The following CAST variants were observed in gnomAD, a reference collection of about 807,000 sequenced individuals.
CAST encodes MIR583 host.
In CAST, 76 loss-of-function variants were observed where a neutral mutation model predicts 119.6. The observed-to-expected ratio is 0.64, with a 90% CI of 0.53 to 0.77. The LOEUF is 0.77. Among genes scored for constraint, CAST ranks in the 30% least tolerant of loss-of-function variants. The pLI, the probability that CAST is intolerant of heterozygous loss-of-function variation, is 0.00. For missense variants in CAST, 953 were observed against 946.5 expected (o/e 1.01, Z -0.09); for synonymous variants, 319 against 331.6 (o/e 0.96, Z 0.41).
At chr5:96,769,170 G>A (rs1204528003) in intron 29 of CAST, 1 of 152,104 alleles carries the variant, frequency 6.6e-6, no homozygotes, top group Non-Finnish European at 1.5e-5. Context: ...TATTGTTTTG[G>A]CTGTTCTAAG....
At chr5:96,660,045 C>T (rs1357410774), upstream of CAST, among the ~76,000 whole-genome samples, 1 of 152,200 alleles carries the variant, frequency 6.6e-6, no homozygotes, top group Non-Finnish European at 1.5e-5. Context: ...GTTATTACCT[C>T]TTATAGATTT....
chr5:96,559,891 T>C (rs538310528), intron 1 of CAST, among the ~76,000 whole-genome samples: 1 of 152,190 alleles, frequency 6.6e-6, no homozygotes, highest in South Asian at 2.1e-4. Flanking sequence ...GAGCCCACAT[T>C]GCCAAGTCAA....
the CAST span, among the ~76,000 whole-genome samples, chr5:96,373,566 A>C: frequency 6.6e-6 from 1 of 152,188 alleles, no homozygotes; most frequent in African/African-American, 2.4e-5. Flanking sequence ...TCCTGGATGC[A>C]TTGCAGCCCT....
At chr5:96,163,531 G>A in the CAST span, among the ~76,000 whole-genome samples, 13 of 152,028 alleles carry the variant, frequency 8.6e-5, no homozygotes, top group Admixed American at 7.9e-4. Flanking sequence ...TTATGAAGTG[G>A]GATTTTTCTA....
At chr5:96,446,392 T>C in the CAST span, among the ~76,000 whole-genome samples, 1 of 152,136 alleles carries the variant, frequency 6.6e-6, no homozygotes, top group African/African-American at 2.4e-5. Context: ...GTCTCTGTAA[T>C]TTTGGGGCTT....
chr5:96,412,573 A>G, the CAST span: 1 of 1,293,348 alleles, frequency 7.7e-7, no homozygotes, highest in Non-Finnish European at 1.1e-6. Flanking sequence ...TACTATTTGT[A>G]TTTTTAAAGG....
chr5:96,003,801 G>T, the CAST span, among the ~76,000 whole-genome samples: 1 of 152,024 alleles, frequency 6.6e-6, no homozygotes. Flanking sequence ...TAAGCTTTAG[G>T]TAAACCACAT....
At chr5:96,088,537 T>A in the CAST span, among the ~76,000 whole-genome samples, 1 of 152,260 alleles carries the variant, frequency 6.6e-6, no homozygotes, top group Admixed American at 6.5e-5. Context: ...CCAGGATTCC[T>A]GCCTGGATCC....
intron 6 of CAST, chr5:96,728,519 C>T (rs181338341): frequency 6.6e-6 from 1 of 151,714 alleles, no homozygotes; most frequent in Non-Finnish European, 1.5e-5. Context: ...CTCTGTCGCC[C>T]AGGCTGGAGT....
At chr5:96,442,727 T>C in the CAST span, among the ~76,000 whole-genome samples, 19 of 152,318 alleles carry the variant, frequency 1.2e-4, 1 homozygote, top group African/African-American at 4.3e-4. Context: ...CTTCTACAGG[T>C]ACCCTTGGAG....
the CAST span, among the ~76,000 whole-genome samples, chr5:96,401,325 G>T: frequency 6.6e-6 from 1 of 152,124 alleles, no homozygotes; most frequent in African/African-American, 2.4e-5. Context: ...AAGGCCACTG[G>T]AGCAAAAGCA....
At chr5:96,434,625 G>GT in the CAST span, among the ~76,000 whole-genome samples, 28,295 of 149,160 alleles carry the variant, frequency 0.19, 3,026 homozygotes, top group East Asian at 0.28. Context: ...TTTTGTTGTT[G>GT]TTGTTGTTGT....
the CAST span, among the ~76,000 whole-genome samples, chr5:96,459,174 G>C: frequency 6.6e-6 from 1 of 152,094 alleles, no homozygotes; most frequent in South Asian, 2.1e-4. Flanking sequence ...AGTGAGAAGT[G>C]AATAAAATCA....
the CAST span, among the ~76,000 whole-genome samples, chr5:96,442,655 T>C: frequency 1.3e-5 from 2 of 152,210 alleles, no homozygotes; most frequent in African/African-American, 4.8e-5. Context: ...AAAGTGCAGC[T>C]TCCTAAGCAT....
chr5:96,338,894 T>C, the CAST span, among the ~76,000 whole-genome samples: 2 of 152,182 alleles, frequency 1.3e-5, no homozygotes, highest in Admixed American at 6.5e-5. Context: ...CCATTCTGGC[T>C]CTGTAGATGG....
intron 1 of CAST, among the ~76,000 whole-genome samples, chr5:96,627,565 A>G (rs773106804): frequency 1.2e-4 from 18 of 152,224 alleles, no homozygotes; most frequent in Non-Finnish European, 2.4e-4. Flanking sequence ...CCACCTTGTG[A>G]AAAATCTTAG....
the CAST span, among the ~76,000 whole-genome samples, chr5:96,126,659 C>A: frequency 2.0e-5 from 3 of 152,150 alleles, no homozygotes; most frequent in East Asian, 5.8e-4. Context: ...CTAGGGCATC[C>A]TAAAATCCAT....
the CAST span, among the ~76,000 whole-genome samples, chr5:96,015,711 G>A: frequency 6.6e-6 from 1 of 152,024 alleles, no homozygotes; most frequent in Non-Finnish European, 1.5e-5. Flanking sequence ...CACTTTACAG[G>A]GAGCATTAAC....
chr5:96,166,525 A>C, the CAST span, among the ~76,000 whole-genome samples: 1 of 152,196 alleles, frequency 6.6e-6, no homozygotes, highest in Non-Finnish European at 1.5e-5. Context: ...GGACCATCAC[A>C]GCAAATAACT....
Sources: gnomAD v4.1 joint callset for allele counts (sites outside exome capture counted in the v4.1 genomes callset) on GRCh38, gnomAD v4.1.1 for gene constraint, MANE v1.5 for transcripts, NCBI Gene and HGNC (gene_info 2026-07-23, HGNC 2026-07-21) for gene names.